UQCC1: variants seen among roughly 807,000 people sequenced by gnomAD.
The protein encoded by UQCC1 is ubiquinol-cytochrome c reductase complex assembly factor 1, also known as bFGF-repressed Zic-binding protein.
UQCC1 carries 38 observed loss-of-function variants against 48.0 expected under a neutral mutation model. The observed-to-expected ratio is 0.79, with a 90% CI of 0.61 to 1.04. UQCC1 has a LOEUF of 1.04. UQCC1 is among the 50% of genes least tolerant of loss of function. UQCC1 has a pLI of 0.00. For missense variants in UQCC1, 368 were observed against 381.8 expected, an observed-to-expected ratio of 0.96 and a Z score of 0.30; for synonymous variants, 111 against 129.2, an observed-to-expected ratio of 0.86 and a Z score of 0.95.
chr20:35,336,915 G>T (rs774391406), intron 7 of UQCC1, among the ~76,000 whole-genome samples: 7 of 152,200 alleles, frequency 4.6e-5, no homozygotes, highest in Non-Finnish European at 8.8e-5. Flanking sequence ...TCTGAATTAT[G>T]CTGAAATCCT....
rs573004526 is a variant in UQCC1 at position 35,340,001 on chromosome 20, T to C, written c.573+7163A>G. 2.6e-5 allele frequency among the ~76,000 whole-genome samples: 4 copies of C among 152,290 alleles called. No homozygotes were observed. In the South Asian group the frequency reaches 8.3e-4, roughly 32 times the overall value. On this transcript the variant is annotated intron_variant, in intron 7 of 9. Transcript: ENST00000374385. ...TGCTAAGAACAAGCACGTTCTCCTATGTAACTACAAGGGTTCTATATGCAT... is the reference window on the plus strand; with the variant it reads ...TGCTAAGAACAAGCACGTTCTCCTACGTAACTACAAGGGTTCTATATGCAT...
chr20:35,313,158 C>A (rs1475972835), intron 8 of UQCC1, among the ~76,000 whole-genome samples: 1 of 151,930 alleles, frequency 6.6e-6, no homozygotes, highest in African/African-American at 2.4e-5. Context: ...GGGCAGATCA[C>A]AAGGTCAGGA....
chr20:35,323,979 G>C (rs2061161259), intron 7 of UQCC1, among the ~76,000 whole-genome samples: 1 of 152,212 alleles, frequency 6.6e-6, no homozygotes, highest in Admixed American at 6.5e-5. Flanking sequence ...CCTTGGCAGG[G>C]CACAGTGGCT....
At chr20:35,402,467 A>G (rs2062178715) in intron 1 of UQCC1, among the ~76,000 whole-genome samples, 1 of 151,664 alleles carries the variant, frequency 6.6e-6, no homozygotes, top group African/African-American at 2.4e-5. Context: ...AGTCCCAGCT[A>G]CTCGGGAGGC....
At chr20:35,313,066 T>C (rs1041006455) in intron 8 of UQCC1, among the ~76,000 whole-genome samples, 1 of 152,122 alleles carries the variant, frequency 6.6e-6, no homozygotes, top group Non-Finnish European at 1.5e-5. Context: ...TTATGATATG[T>C]ATATTTTACA....
rs887587852 is a variant in UQCC1 at position 35,388,376 on chromosome 20, G to C, written c.130-4243C>G. ...TGTGGTCATGGGTCACTGCAACTTT[G>C]ACCCCCCCAGACTCAAGGGATCCTC... is the stretch of plus-strand genomic sequence containing the variant. On this transcript the variant is annotated intron_variant, in intron 2 of 9. Coordinates refer to ENST00000374385, the MANE Select transcript of UQCC1 (RefSeq NM_018244.5). Among the ~76,000 whole-genome samples, 15 of 131,472 alleles carry C rather than the reference G, an allele frequency of 1.1e-4. 1 individual carries two copies. In the Admixed American group the frequency reaches 1.3e-3, roughly 11 times the overall value. The allele number at this position is 131,472 out of a possible 152,430, so 86.3% of individuals were successfully genotyped here.
At chr20:35,409,000 C>T (rs561483337) in intron 1 of UQCC1, among the ~76,000 whole-genome samples, 7 of 152,212 alleles carry the variant, frequency 4.6e-5, no homozygotes, top group Admixed American at 1.3e-4. Flanking sequence ...GTTAAACTCA[C>T]GGAGACAGAA....
chr20:35,402,027 G>A (rs1321914504), intron 1 of UQCC1, among the ~76,000 whole-genome samples: 2 of 152,052 alleles, frequency 1.3e-5, no homozygotes, highest in South Asian at 2.1e-4. Context: ...ACTCAATTCC[G>A]GAGTCCAAAG....
Position 35,374,206 on chromosome 20 carries a change from A to G in UQCC1, c.384T>C (p.Thr128=). 1 of 1,612,720 alleles carries G rather than the reference A, an allele frequency of 6.2e-7. No individual in the cohort carries two copies. The highest frequency in any genetic ancestry group is 1.6e-4 in the Middle Eastern group (1 of 6,062). Residue 128 remains threonine, a synonymous_variant, in exon 5 of 10, where the codon ACT becomes ACC. Transcript: ENST00000374385. ...LRMYTSCVEK[T]DFEEFFLRCQ... is the part of the protein sequence containing the mutation. ...TACTTAGAAAGAATTCCTCGAAGTC[A>G]GTTTTCTCCACACAGCTAGTATACA...
chr20:35,307,087 G>C (rs764083394), intron 8 of UQCC1: 1 of 427,046 alleles, frequency 2.3e-6, no homozygotes, highest in Non-Finnish European at 4.4e-6. Flanking sequence ...GGCAACACTT[G>C]AGAGGCTGAG....
At chr20:35,343,584 A>C (rs1179290706) in intron 7 of UQCC1, among the ~76,000 whole-genome samples, 3 of 152,246 alleles carry the variant, frequency 2.0e-5, no homozygotes, top group Non-Finnish European at 4.4e-5. Context: ...TATCAAGTCA[A>C]CTATAGCAGA....
At chr20:35,384,290 A>G (rs192803766) in intron 2 of UQCC1, among the ~76,000 whole-genome samples, 157 bp from the exon 3 acceptor site, 6 of 152,280 alleles carry the variant, frequency 3.9e-5, no homozygotes, top group African/African-American at 1.4e-4. Context: ...CAGCACCTAG[A>G]AGGGTGTCTA....
chr20:35,342,594 C>G (rs763782557), intron 7 of UQCC1, among the ~76,000 whole-genome samples: 3 of 152,184 alleles, frequency 2.0e-5, no homozygotes, highest in Non-Finnish European at 4.4e-5. Context: ...GTTTTTACAG[C>G]TGTGTCAAGA....
At chr20:35,342,074 C>G (rs1231829994) in intron 7 of UQCC1, among the ~76,000 whole-genome samples, 1 of 152,072 alleles carries the variant, frequency 6.6e-6, no homozygotes, top group Non-Finnish European at 1.5e-5. Context: ...TTTCCTAGGC[C>G]CTCTGCATCA....
At chr20:35,384,247 C>A (rs1006691180) in intron 2 of UQCC1, 114 bp from the exon 3 acceptor site, 1 of 908,998 alleles carries the variant, frequency 1.1e-6, no homozygotes. Context: ...TAGCCCACTT[C>A]CCCGTGATCA....
chr20:35,386,567 C>T (rs1279621211), intron 2 of UQCC1, among the ~76,000 whole-genome samples: 1 of 152,172 alleles, frequency 6.6e-6, no homozygotes, highest in African/African-American at 2.4e-5. Flanking sequence ...GAACACCTCC[C>T]CATTACATCA....
intron 7 of UQCC1, among the ~76,000 whole-genome samples, chr20:35,324,861 G>A (rs80189767): frequency 0.012 from 1,773 of 152,166 alleles, 40 homozygotes; most frequent in African/African-American, 0.039. Flanking sequence ...ATTGAAAGCG[G>A]GAATTGGAAC....
intron 4 of UQCC1, among the ~76,000 whole-genome samples, chr20:35,378,086 G>A (rs746149191): frequency 2.0e-5 from 3 of 152,094 alleles, no homozygotes; most frequent in Non-Finnish European, 2.9e-5. Flanking sequence ...AAGGACGTAG[G>A]GGGACTGAAT....
Position 35,401,392 on chromosome 20 carries a change from C to T in UQCC1, c.25-7196G>A, listed in dbSNP as rs185820680. Among the ~76,000 whole-genome samples the T allele has an allele frequency of 1.2e-4, 18 of 152,122 alleles. No homozygotes were observed. In the South Asian group the frequency reaches 1.7e-3, roughly 14 times the overall value. ...ATTCACCAACAAAAGCACAAAAATACGAAAAATATGGCACTAAACAGGCCA... is the reference window on the plus strand; with the variant it reads ...ATTCACCAACAAAAGCACAAAAATATGAAAAATATGGCACTAAACAGGCCA... On this transcript the variant is annotated intron_variant, in intron 1 of 9. Transcript: ENST00000374385.
Sources: gnomAD v4.1 joint callset for allele counts (sites outside exome capture counted in the v4.1 genomes callset) on GRCh38, gnomAD v4.1.1 for gene constraint, MANE v1.5 for transcripts, NCBI Gene and HGNC (gene_info 2026-07-23, HGNC 2026-07-21) for gene names.